The following ADGRF1 variants were observed in gnomAD, a reference collection of about 807,000 sequenced individuals.
ADGRF1 encodes the protein adhesion G protein-coupled receptor F1.
In ADGRF1, 85 loss-of-function variants were observed where a neutral mutation model predicts 87.2. The observed-to-expected ratio is 0.97, with a 90% confidence interval of 0.82 to 1.17. The LOEUF (loss-of-function observed/expected upper bound fraction) is 1.17. ADGRF1 is among the 50% of genes most tolerant of loss of function. The pLI, the probability that ADGRF1 is intolerant of heterozygous loss-of-function variation, is 0.00. For missense variants in ADGRF1, 1,169 were observed against 1,077.2 expected (o/e 1.09, Z -1.19); for synonymous variants, 430 against 408.8 (o/e 1.05, Z -0.63).
chr6:47,015,130 G>C (rs1779828285), intron 8 of ADGRF1, among the ~76,000 whole-genome samples: 1 of 152,162 alleles, frequency 6.6e-6, no homozygotes, highest in Non-Finnish European at 1.5e-5. Flanking sequence ...TAAGTATTAG[G>C]TGATAATAAG....
At chr6:47,018,644 A>C (rs891737168) in intron 7 of ADGRF1, 22 of 1,272,872 alleles carry the variant, frequency 1.7e-5, no homozygotes, top group Non-Finnish European at 1.0e-6. Flanking sequence ...GGGCATGGTG[A>C]CTCATGCCTG....
At chr6:47,013,940 G>A (rs981384714) in intron 9 of ADGRF1, 11 of 148,244 alleles carry the variant, frequency 7.4e-5, no homozygotes, top group Non-Finnish European at 1.3e-4. Context: ...CTTCCCTTTC[G>A]CCTCCCACCA....
intron 8 of ADGRF1, 130 bp downstream of exon 8, chr6:47,016,487 G>T: frequency 1.0e-6 from 1 of 1,000,456 alleles, no homozygotes; most frequent in Non-Finnish European, 1.4e-6. Flanking sequence ...ACAGCTGCCT[G>T]TTTGTGCTGA....
At chr6:47,017,912 T>C (rs973076744) in intron 7 of ADGRF1, 2 of 153,574 alleles carry the variant, frequency 1.3e-5, no homozygotes, top group African/African-American at 4.8e-5. Flanking sequence ...GATAGAGTCA[T>C]ACACAAAGTT....
chr6:47,032,101 G>A (rs965033928), intron 1 of ADGRF1, among the ~76,000 whole-genome samples: 5 of 152,136 alleles, frequency 3.3e-5, no homozygotes, highest in Non-Finnish European at 7.3e-5. Context: ...TAGGAAAAAC[G>A]ATTTCTCCAG....
At chr6:47,014,946 G>C in intron 8 of ADGRF1, 102 bp from the exon 9 acceptor site, 2 of 1,395,398 alleles carry the variant, frequency 1.4e-6, no homozygotes, top group East Asian at 5.4e-5. Flanking sequence ...CTCATTTTTG[G>C]AGATGAAATC....
intron 1 of ADGRF1, among the ~76,000 whole-genome samples, chr6:47,030,829 C>G (rs1438310959): frequency 6.6e-6 from 1 of 151,840 alleles, no homozygotes; most frequent in African/African-American, 2.4e-5. Flanking sequence ...GTGGCATGAT[C>G]TCGGCTCACT....
Position 47,031,351 on chromosome 6 carries a change from GTCTCTCTCTC to G in ADGRF1, c.-43-2257_-43-2248del, listed in dbSNP as rs374462680. On this transcript the variant is annotated intron_variant, in intron 1 of 14. Coordinates refer to ENST00000371253, the MANE Select transcript of ADGRF1 (RefSeq NM_153840.4). Reference sequence around the variant, plus strand: ...CTCTCTTCTCTCTCTCTCTCTCTCTGTCTCTCTCTCTCTCTCTCTCTCTCTCTCTCTCTCT... The same window carrying G: ...CTCTCTTCTCTCTCTCTCTCTCTCTGTCTCTCTCTCTCTCTCTCTCTCTCT... Among the ~76,000 whole-genome samples the G allele has an allele frequency of 4.7e-3, 519 of 110,776 alleles. 3 individuals carry two copies. Among genetic ancestry groups the G allele is most frequent in the African/African-American group, 0.017 (479 of 28,896 alleles). The allele number at this position is 110,776 out of a possible 152,430, so 72.7% of individuals were successfully genotyped here. A position where few individuals can be genotyped will look rare whatever the true frequency, so the allele number is the denominator to read the frequency against.
chr6:47,030,769 C>CTT (rs139445789), intron 1 of ADGRF1, among the ~76,000 whole-genome samples: 4 of 151,914 alleles, frequency 2.6e-5, no homozygotes, highest in Admixed American at 2.0e-4. Flanking sequence ...TTTTTCTTCA[C>CTT]TCTTTTTTTT....
chr6:47,007,709 C>T (rs1371915601), intron 11 of ADGRF1, among the ~76,000 whole-genome samples: 2 of 152,176 alleles, frequency 1.3e-5, no homozygotes, highest in African/African-American at 4.8e-5. Flanking sequence ...GGGATTTGAC[C>T]TATATCAGCA....
At chr6:47,002,787 G>A (rs1779395240) in intron 13 of ADGRF1, among the ~76,000 whole-genome samples, 1 of 152,116 alleles carries the variant, frequency 6.6e-6, no homozygotes, top group Non-Finnish European at 1.5e-5. Flanking sequence ...AGGGACAATG[G>A]AGGGTCAAGA....
intron 11 of ADGRF1, among the ~76,000 whole-genome samples, chr6:47,007,588 A>T (rs1410477795): frequency 6.6e-6 from 1 of 152,220 alleles, no homozygotes; most frequent in Non-Finnish European, 1.5e-5. Flanking sequence ...CAACCCAAAC[A>T]AATAGCATCC....
Position 47,005,835 on chromosome 6 carries a change from A to C in ADGRF1, c.2574T>G (p.Ser858=). 3 of 1,611,622 alleles carry C rather than the reference A, an allele frequency of 1.9e-6. No homozygotes were observed. Among genetic ancestry groups the C allele is most frequent in the African/African-American group, 1.3e-5 (1 of 74,954 alleles). ...TAATTACCTTTTCTGTTTGCTTCCA[A>C]GAACTTAAGGCAGACAACTTGTTGA... ...LLFNKLSALS[S]WKQTEKQNSS... Residue 858 remains serine, a synonymous_variant, in exon 13 of 15, where the codon TCT becomes TCG. Coordinates refer to ENST00000371253, the MANE Select transcript of ADGRF1 (RefSeq NM_153840.4).
chr6:47,041,311 A>T (rs2113916372), intron 1 of ADGRF1, among the ~76,000 whole-genome samples: 1 of 152,258 alleles, frequency 6.6e-6, no homozygotes, highest in African/African-American at 2.4e-5. Flanking sequence ...ACTTTTATTT[A>T]TTTTTTGTTA....
Position 47,000,005 on chromosome 6 carries a change from A to G in ADGRF1, c.*217T>C. 1 of 470,104 alleles carries G rather than the reference A, an allele frequency of 2.1e-6. No homozygotes were observed. The highest frequency in any genetic ancestry group is 3.8e-6 in the Non-Finnish European group (1 of 259,954). 29.1% of individuals were successfully genotyped at this position (470,104 alleles called of 1,614,324 possible). A position where few individuals can be genotyped will look rare whatever the true frequency, so the allele number is the denominator to read the frequency against. On this transcript the variant is annotated 3_prime_UTR_variant, in exon 15 of 15. Coordinates refer to ENST00000371253, the MANE Select transcript of ADGRF1 (RefSeq NM_153840.4). ...ACCTACTCTTCTGCATTTATGGAGCACTTTCTTTGAATCAAATCACATGGA... is the reference window on the plus strand; with the variant it reads ...ACCTACTCTTCTGCATTTATGGAGCGCTTTCTTTGAATCAAATCACATGGA...
chr6:47,021,025 T>A (rs1315577748), intron 6 of ADGRF1, among the ~76,000 whole-genome samples: 1 of 152,190 alleles, frequency 6.6e-6, no homozygotes, highest in Admixed American at 6.5e-5. Context: ...ACCTTTGAGA[T>A]TGCTAATAAA....
intron 1 of ADGRF1, among the ~76,000 whole-genome samples, chr6:47,041,286 C>T (rs1428529757): frequency 6.6e-6 from 1 of 152,148 alleles, no homozygotes; most frequent in Non-Finnish European, 1.5e-5. Context: ...AATATTCTAA[C>T]ATATTAAAGA....
intron 5 of ADGRF1, 74 bp downstream of exon 5, chr6:47,023,970 A>G (rs1780149681): frequency 7.5e-7 from 1 of 1,337,118 alleles, no homozygotes; most frequent in Non-Finnish European, 1.0e-6. Context: ...TAGCTAGACA[A>G]TGAGCAAGCG....
chr6:47,014,564 G>T, intron 9 of ADGRF1, 117 bp downstream of exon 9: 1 of 1,493,634 alleles, frequency 6.7e-7, no homozygotes. Flanking sequence ...CTTGCTCTTT[G>T]CATACTGGCC....
Sources: gnomAD v4.1 joint callset for allele counts (sites outside exome capture counted in the v4.1 genomes callset) on GRCh38, gnomAD v4.1.1 for gene constraint, MANE v1.5 for transcripts, NCBI Gene and HGNC (gene_info 2026-07-23, HGNC 2026-07-21) for gene names.